Variants in AKR1C3 observed in about 807,000 individuals in gnomAD.
The protein encoded by AKR1C3 is aldo-keto reductase family 1 member C3.
In AKR1C3, 48 loss-of-function variants were observed where a neutral mutation model predicts 43.6. The ratio of observed to expected loss-of-function variants is 1.10; its 90% confidence interval spans 0.87 to 1.40. The LOEUF (loss-of-function observed/expected upper bound fraction) is 1.40, where lower values mean the gene tolerates loss of function less well. AKR1C3 is among the 40% of genes most tolerant of loss of function. The pLI, the probability that AKR1C3 is intolerant of heterozygous loss-of-function variation, is 0.00. For synonymous variants in AKR1C3, 162 were observed against 139.6 expected, an observed-to-expected ratio of 1.16 and a Z score of -1.13; for missense variants, 482 against 391.2, an observed-to-expected ratio of 1.23 and a Z score of -1.96.
At chr10:5,095,000 A>T (rs1414061549) in intron 1 of AKR1C3, among the ~76,000 whole-genome samples, 1 of 152,054 alleles carries the variant, frequency 6.6e-6, no homozygotes, top group Admixed American at 6.6e-5. Context: ...AGTGAGTGCC[A>T]CCCAGTATTA....
chr10:5,061,331 A>T (rs1419415323), intron 1 of AKR1C3, among the ~76,000 whole-genome samples: 1 of 152,182 alleles, frequency 6.6e-6, no homozygotes, highest in East Asian at 1.9e-4. Context: ...AGGAACAAGA[A>T]AACACACAGC....
intron 1 of AKR1C3, among the ~76,000 whole-genome samples, chr10:5,062,093 G>A (rs547724700): frequency 2.6e-4 from 39 of 152,236 alleles, no homozygotes; most frequent in Middle Eastern, 3.4e-3. Context: ...CTAATCATGG[G>A]GACATAAATT....
intron 1 of AKR1C3, among the ~76,000 whole-genome samples, chr10:5,075,649 C>T (rs1588341537): frequency 2.0e-5 from 3 of 151,998 alleles, no homozygotes; most frequent in East Asian, 1.9e-4. Context: ...CTGAGGTGGG[C>T]GAATCACCTG....
intron 5 of AKR1C3, chr10:5,099,704 T>C: frequency 3.7e-6 from 2 of 533,408 alleles, no homozygotes; most frequent in Non-Finnish European, 6.3e-6. Context: ...CAGGGAGGCC[T>C]GGAATCATCA....
At chr10:5,096,690 T>C in intron 2 of AKR1C3, 113 bp downstream of exon 2, 1 of 1,468,300 alleles carries the variant, frequency 6.8e-7, no homozygotes, top group Non-Finnish European at 9.1e-7. Flanking sequence ...TGGGTTCAAA[T>C]TTATTCACAC....
chr10:5,102,782 A>G lies in AKR1C3; in HGVS notation c.846+132A>G, dbSNP rs1308997153. 5 of 1,482,370 alleles carry G rather than the reference A, an allele frequency of 3.4e-6. No homozygotes were observed. In the Admixed American group the frequency reaches 1.2e-4, roughly 35 times the overall value. The allele number at this position is 1,482,370 out of a possible 1,614,324, so 91.8% of individuals were successfully genotyped here. Reference sequence around the variant, plus strand: ...TTTCCCATATGAATGCTTTGCGTGCATCCTGAGGGTTTCTTCTACTCTACC... The same window carrying G: ...TTTCCCATATGAATGCTTTGCGTGCGTCCTGAGGGTTTCTTCTACTCTACC... On this transcript the variant is annotated intron_variant, in intron 7 of 8. Coordinates refer to ENST00000380554, the MANE Select transcript of AKR1C3 (RefSeq NM_003739.6).
At chr10:5,091,576 CTTTT>C (rs1355801732), upstream of AKR1C3, among the ~76,000 whole-genome samples, 2 of 151,880 alleles carry the variant, frequency 1.3e-5, no homozygotes, top group African/African-American at 4.8e-5. Context: ...CTCAATTGCT[CTTTT>C]ATTTATTCTG....
chr10:5,064,543 A>G (rs1838455000), intron 1 of AKR1C3, among the ~76,000 whole-genome samples: 1 of 152,218 alleles, frequency 6.6e-6, no homozygotes. Context: ...GACCTAATAA[A>G]CTAAACAGCT....
intron 1 of AKR1C3, among the ~76,000 whole-genome samples, chr10:5,059,308 G>T (rs536159607): frequency 6.6e-6 from 1 of 152,178 alleles, no homozygotes; most frequent in Non-Finnish European, 1.5e-5. Flanking sequence ...ACTAACCTTG[G>T]AGAAGAGAGT....
intron 1 of AKR1C3, among the ~76,000 whole-genome samples, chr10:5,080,280 A>G (rs1441139719): frequency 6.6e-6 from 1 of 152,158 alleles, no homozygotes; most frequent in Non-Finnish European, 1.5e-5. Flanking sequence ...TTCCTTGTGC[A>G]AGTATACTTA....
At chr10:5,052,480 G>C (rs575267063) in intron 1 of AKR1C3, among the ~76,000 whole-genome samples, 2 of 147,742 alleles carry the variant, frequency 1.4e-5, no homozygotes, top group Non-Finnish European at 2.9e-5. Context: ...TGATTGGTCT[G>C]TTTTACAGAG....
At chr10:5,105,106 A>T (rs1017412201) in intron 7 of AKR1C3, among the ~76,000 whole-genome samples, 1 of 152,232 alleles carries the variant, frequency 6.6e-6, no homozygotes, top group African/African-American at 2.4e-5. Flanking sequence ...TCCTTTAGAC[A>T]TGAAATTGTT....
rs543000474 is a variant in AKR1C3, at chr10:5,077,631, A to T, written c.85-18779A>T. On this transcript the variant is annotated intron_variant, in intron 1 of 8. Coordinates refer to the AKR1C3 transcript ENST00000439082. Reference sequence around the variant, plus strand: ...TAATTGCTTGCCTGTCTGGGCAAGGAGTTTGGTTTTTGCTGAACATTCCCC... The same window carrying T: ...TAATTGCTTGCCTGTCTGGGCAAGGTGTTTGGTTTTTGCTGAACATTCCCC... 4.5e-3 allele frequency: 4,722 copies of T among 1,045,058 alleles called. 17 individuals carry two copies. The highest frequency in any genetic ancestry group is 5.0e-3 in the Non-Finnish European group (4,381 of 869,720). 64.7% of individuals were successfully genotyped at this position (1,045,058 alleles called of 1,614,324 possible). A position where few individuals can be genotyped will look rare whatever the true frequency, so the allele number is the denominator to read the frequency against.
chr10:5,071,875 C>A (rs1158871117), intron 1 of AKR1C3, among the ~76,000 whole-genome samples: 3 of 152,186 alleles, frequency 2.0e-5, no homozygotes, highest in Non-Finnish European at 4.4e-5. Flanking sequence ...CTCTGCTCAG[C>A]CTTTCCCTTC....
rs534866600 is a variant in AKR1C3, at chr10:5,052,465, A to G, written c.84+3570A>G. 2.0e-3 allele frequency among the ~76,000 whole-genome samples: 300 copies of G among 147,890 alleles called. 2 individuals carry two copies. Among genetic ancestry groups the G allele is most frequent in the African/African-American group, 7.1e-3 (264 of 37,400 alleles). ...TCCTGCTGATTGTTCCATTGTACAG[A>G]GAGCTGATTGGTCTGTTTTACAGAG... On this transcript the variant is annotated intron_variant, in intron 1 of 8. Coordinates refer to the AKR1C3 transcript ENST00000439082.
chr10:5,082,521 C>T (rs1220320213), intron 1 of AKR1C3, among the ~76,000 whole-genome samples: 1 of 152,134 alleles, frequency 6.6e-6, no homozygotes, highest in Non-Finnish European at 1.5e-5. Context: ...TTTATCAAAA[C>T]TCGGCATCTG....
chr10:5,073,473 A>G (rs530423190), intron 1 of AKR1C3, among the ~76,000 whole-genome samples: 7 of 152,020 alleles, frequency 4.6e-5, no homozygotes, highest in Non-Finnish European at 8.8e-5. Flanking sequence ...GACATAGAAC[A>G]ACCCTCCCCT....
chr10:5,051,971 CG>C (rs1320378375), intron 1 of AKR1C3, among the ~76,000 whole-genome samples: 2 of 152,132 alleles, frequency 1.3e-5, no homozygotes, highest in East Asian at 1.9e-4. Flanking sequence ...AAGTTAGGAT[CG>C]GGGGTGGTGT....
chr10:5,090,327 G>C (rs2131829338), upstream of AKR1C3, among the ~76,000 whole-genome samples: 1 of 152,182 alleles, frequency 6.6e-6, no homozygotes, highest in East Asian at 1.9e-4. Flanking sequence ...GTTCTCTGTG[G>C]GGGTTAGGAA....
Sources: gnomAD v4.1 joint callset for allele counts (sites outside exome capture counted in the v4.1 genomes callset) on GRCh38, gnomAD v4.1.1 for gene constraint, MANE v1.5 for transcripts, NCBI Gene and HGNC (gene_info 2026-07-23, HGNC 2026-07-21) for gene names.